SP1: variants seen among roughly 807,000 people sequenced by gnomAD.
SP1 encodes transcription factor Sp1.
A neutral mutation model predicts 66.3 loss-of-function variants in SP1; 6 were observed. The ratio of observed to expected loss-of-function variants is 0.09; its 90% CI spans 0.05 to 0.18. SP1 has a LOEUF of 0.18. SP1 is among the 10% of genes least tolerant of loss of function. SP1 has a pLI of 1.00. For synonymous variants in SP1, 417 were observed against 360.8 expected, an observed-to-expected ratio of 1.16 and a Z score of -1.77; for missense variants, 848 against 964.5, an observed-to-expected ratio of 0.88 and a Z score of 1.60.
At position 53,383,581 on chromosome 12, in the gene SP1, A is replaced by T. The variant is rs1269858794; in HGVS notation, c.1634A>T (p.His545Leu). ...SALGTSGIQV[H>L]PIQGLPLAIA... is the part of the protein sequence containing the mutation. ...TTGGGTACTTCAGGAATCCAGGTGC[A>T]CCCAATTCAAGGCCTGCCGTTGGCT... is the stretch of plus-strand genomic sequence containing the variant. Residue 545 changes from histidine to leucine, a missense_variant, in exon 3 of 6, where the codon CAC becomes CTC. By Grantham distance (99) the His-to-Leu change is moderately conservative. Transcript: ENST00000327443. 6.2e-7 allele frequency: 1 copy of T among 1,612,696 alleles called. No individual in the cohort carries two copies. The highest frequency in any genetic ancestry group is 8.5e-7 in the Non-Finnish European group (1 of 1,179,422).
At chr12:53,409,850 A>G (rs2136920244) in intron 5 of SP1, among the ~76,000 whole-genome samples, 1 of 152,170 alleles carries the variant, frequency 6.6e-6, no homozygotes, top group East Asian at 1.9e-4. Context: ...TCTACTAAAT[A>G]TACAAAAAAA....
Position 53,409,368 on chromosome 12 carries a change from G to A in SP1, c.1851G>A (p.Ser617=), listed in dbSNP as rs374193831. The A allele has an allele frequency of 9.9e-6, 16 of 1,612,936 alleles. No homozygotes were observed. The highest frequency in any genetic ancestry group is 9.3e-5 in the African/African-American group (7 of 74,870). ...GTTGTGTCCTCACTTTCAGGGGCTCGGGGGATCCTGGCAAAAAGAAACAGC... is the reference window on the plus strand; with the variant it reads ...GTTGTGTCCTCACTTTCAGGGGCTCAGGGGATCCTGGCAAAAAGAAACAGC... The part of the protein sequence containing the change: ...PYCKDSEGRG[S]GDPGKKKQHI... The change falls in exon 5 of 6, where the codon TCG becomes TCA. Residue 617 remains serine, a synonymous_variant. Transcript: ENST00000327443.
intron 3 of SP1, among the ~76,000 whole-genome samples, chr12:53,401,490 C>T (rs911732664): frequency 6.7e-6 from 1 of 148,482 alleles, no homozygotes; most frequent in South Asian, 2.2e-4. Context: ...TTTGAATGCT[C>T]TTATCTATTT....
intron 3 of SP1, among the ~76,000 whole-genome samples, chr12:53,406,233 C>A (rs1938735733): frequency 6.6e-6 from 1 of 151,770 alleles, no homozygotes; most frequent in South Asian, 2.1e-4. Flanking sequence ...CCATTCCCAG[C>A]TAATTTTGTA....
chr12:53,385,302 A>G (rs1938201032), intron 3 of SP1, among the ~76,000 whole-genome samples: 2 of 149,794 alleles, frequency 1.3e-5, no homozygotes, highest in Admixed American at 1.3e-4. Flanking sequence ...TCAAAAAATA[A>G]AAATAAAAGG....
intron 4 of SP1, among the ~76,000 whole-genome samples, chr12:53,408,974 A>T (rs1565818554): frequency 6.6e-6 from 1 of 152,136 alleles, no homozygotes; most frequent in Non-Finnish European, 1.5e-5. Context: ...TAATCCCAGT[A>T]CTTTGGGAGG....
In SP1 at chr12:53,413,812, G is replaced by A. The variant is rs3741666; in HGVS notation, c.*2572G>A. 4.4e-4 allele frequency: 67 copies of A among 152,338 alleles called. No homozygotes were observed. The East Asian group carries it at 9.4e-3, about 21-fold the overall frequency. 9.4% of individuals were successfully genotyped at this position (152,338 alleles called of 1,614,324 possible). On this transcript the variant is annotated 3_prime_UTR_variant, in exon 6 of 6. Transcript: ENST00000327443. ...ATATAAAATAATGTAATGATGCTGA[G>A]GATATAAGCTTTTAGAAGGTAATTT...
At chr12:53,397,199 G>A (rs1049022236) in intron 3 of SP1, among the ~76,000 whole-genome samples, 5 of 151,758 alleles carry the variant, frequency 3.3e-5, no homozygotes, top group Middle Eastern at 3.4e-3. Context: ...TTAGTAGAGA[G>A]GAGACTTCAG....
chr12:53,401,232 C>T (rs1414136659), intron 3 of SP1, among the ~76,000 whole-genome samples: 5 of 151,720 alleles, frequency 3.3e-5, no homozygotes, highest in Admixed American at 1.3e-4. Context: ...GGGTGGATCA[C>T]CTGAGGTCGG....
chr12:53,387,912 G>A (rs900229166), intron 3 of SP1, among the ~76,000 whole-genome samples: 3 of 152,088 alleles, frequency 2.0e-5, no homozygotes, highest in African/African-American at 7.2e-5. Context: ...TGTGAACCTG[G>A]GAGGCAGAGC....
rs759776887 is a variant in SP1 at position 53,382,118 on chromosome 12, G to A, written c.171G>A (p.Gln57=). Residue 57 remains glutamine, a synonymous_variant, in exon 3 of 6, where the codon CAG becomes CAA. Transcript: ENST00000327443. The part of the protein sequence containing the change: ...SSTGGGGQES[Q]PSPLALLAAT... ...CCCTTATTTTCGGCCAGGAGTCCCA[G>A]CCATCCCCTTTGGCTCTGCTGGCAG... 1.9e-6 allele frequency: 3 copies of A among 1,613,740 alleles called. No individual in the cohort carries two copies. The highest frequency in any genetic ancestry group is 1.7e-5 in the Admixed American group (1 of 60,004).
chr12:53,390,172 G>A (rs940144401), intron 3 of SP1, among the ~76,000 whole-genome samples: 1 of 152,106 alleles, frequency 6.6e-6, no homozygotes, highest in Non-Finnish European at 1.5e-5. Context: ...TCATATGAAA[G>A]AATTTTCTAT....
intron 3 of SP1, among the ~76,000 whole-genome samples, chr12:53,399,113 T>A (rs2136908302): frequency 6.6e-6 from 1 of 152,348 alleles, no homozygotes; most frequent in East Asian, 1.9e-4. Flanking sequence ...TTATGGTAAT[T>A]CCATAGGGTA....
At position 53,383,597 on chromosome 12, in the gene SP1, G is replaced by C; in HGVS notation, c.1650G>C (p.Leu550=). The C allele has an allele frequency of 6.2e-7, 1 of 1,610,130 alleles. No homozygotes were observed. Among genetic ancestry groups the C allele is most frequent in the East Asian group, 2.2e-5 (1 of 44,820 alleles). Residue 550 remains leucine (L), a synonymous_variant, in exon 3 of 6, where the codon CTG becomes CTC. Transcript: ENST00000327443. Reference sequence around the variant, plus strand: ...TCCAGGTGCACCCAATTCAAGGCCTGCCGTTGGCTATAGCAAATGCCCCAG... The same window carrying C: ...TCCAGGTGCACCCAATTCAAGGCCTCCCGTTGGCTATAGCAAATGCCCCAG... ...SGIQVHPIQG[L]PLAIANAPGD...
chr12:53,385,821 G>A (rs1938215022), intron 3 of SP1, among the ~76,000 whole-genome samples: 1 of 150,378 alleles, frequency 6.6e-6, no homozygotes, highest in African/African-American at 2.5e-5. Flanking sequence ...GCTGAGGCAG[G>A]AGAATCGCTT....
At chr12:53,387,650 A>G (rs1938260753) in intron 3 of SP1, among the ~76,000 whole-genome samples, 1 of 152,176 alleles carries the variant, frequency 6.6e-6, no homozygotes, top group Non-Finnish European at 1.5e-5. Context: ...TCTAGGGTGC[A>G]ACCTGTTTTA....
chr12:53,380,227 T>A lies in SP1; in HGVS notation c.-65T>A. The A allele has an allele frequency of 8.5e-7, 1 of 1,176,604 alleles. No individual in the cohort carries two copies. Among genetic ancestry groups the A allele is most frequent in the Non-Finnish European group, 1.3e-6 (1 of 797,448 alleles). 72.9% of individuals were successfully genotyped at this position (1,176,604 alleles called of 1,614,324 possible). A position where few individuals can be genotyped will look rare whatever the true frequency, so the allele number is the denominator to read the frequency against. ...TTCGCTTGCCTCGTCAGCGTCCGCG[T>A]TTTTCCCGGCCCCCCCCAACCCCCC... On this transcript the variant is annotated 5_prime_UTR_variant, in exon 1 of 6. Coordinates refer to ENST00000327443, the MANE Select transcript of SP1 (RefSeq NM_138473.3).
In SP1 at chr12:53,409,173, C is replaced by G. The variant is rs542703223; in HGVS notation, c.1845-189C>G. Among the ~76,000 whole-genome samples, 2 of 152,020 alleles carry G rather than the reference C, an allele frequency of 1.3e-5. 1 individual carries two copies. The highest frequency in any genetic ancestry group is 2.9e-5 in the Non-Finnish European group (2 of 67,998). On this transcript the variant is annotated intron_variant, in intron 4 of 5. Coordinates refer to ENST00000327443, the MANE Select transcript of SP1 (RefSeq NM_138473.3). Reference sequence around the variant, plus strand: ...CTAGGAGGCGGAGGTTGCAGTGAGCCGTGATCATGCTACTGTACTCCAGCC... The same window carrying G: ...CTAGGAGGCGGAGGTTGCAGTGAGCGGTGATCATGCTACTGTACTCCAGCC...
chr12:53,405,526 C>T (rs1003045206), intron 3 of SP1, among the ~76,000 whole-genome samples: 3 of 151,978 alleles, frequency 2.0e-5, no homozygotes, highest in African/African-American at 7.3e-5. Flanking sequence ...AAAAGTTAGC[C>T]AGTCATGGTG....
Sources: allele counts gnomAD v4.1 joint callset (sites outside exome capture counted in the v4.1 genomes callset), GRCh38; gene constraint gnomAD v4.1.1; transcripts MANE v1.5; gene names NCBI Gene and HGNC (gene_info 2026-07-23, HGNC 2026-07-21).